Variants in GATA6 observed in about 807,000 individuals in gnomAD.
The protein encoded by GATA6 is GATA binding protein 6.
GATA6 carries 11 observed loss-of-function variants against 48.1 expected under a neutral mutation model. The ratio of observed to expected loss-of-function variants is 0.23; its 90% CI spans 0.14 to 0.38. The LOEUF is 0.38. GATA6 is among the 10% of genes least tolerant of loss of function. The pLI is 1.00. For synonymous variants in GATA6, 419 were observed against 396.1 expected (o/e 1.06, Z -0.69); for missense variants, 795 against 850.3 (o/e 0.93, Z 0.81).
At position 22,202,055 on chromosome 18, in the gene GATA6, T is replaced by A. The variant is rs2033469839; in HGVS notation, c.*1232T>A. 6.6e-6 allele frequency: 1 copy of A among 152,238 alleles called. No homozygotes were observed. The highest frequency in any genetic ancestry group is 1.5e-5 in the Non-Finnish European group (1 of 68,044). 9.4% of individuals were successfully genotyped at this position (152,238 alleles called of 1,614,324 possible). A position where few individuals can be genotyped will look rare whatever the true frequency, so the allele number is the denominator to read the frequency against. On this transcript the variant is annotated 3_prime_UTR_variant, in exon 7 of 7. Transcript: ENST00000269216. Reference sequence around the variant, plus strand: ...ACTATAGATATTCATATAAAACAAGTGCACGTGAAGTTTGCAAAATGCTTT... The same window carrying A: ...ACTATAGATATTCATATAAAACAAGAGCACGTGAAGTTTGCAAAATGCTTT...
intron 6 of GATA6, among the ~76,000 whole-genome samples, chr18:22,183,816 C>T (rs1406534725): frequency 6.6e-6 from 1 of 152,200 alleles, no homozygotes. Flanking sequence ...AATACTGGGC[C>T]TTCCCTCAGA....
At chr18:22,173,426 G>A (rs539701013) in intron 2 of GATA6, among the ~76,000 whole-genome samples, 6 of 152,224 alleles carry the variant, frequency 3.9e-5, no homozygotes, top group East Asian at 3.9e-4. Context: ...GTCCTACCCC[G>A]GTGTCTTGTG....
At chr18:22,181,983 TAAA>T (rs1011117785) in intron 4 of GATA6, among the ~76,000 whole-genome samples, 2 of 152,196 alleles carry the variant, frequency 1.3e-5, no homozygotes, top group Non-Finnish European at 2.9e-5. Context: ...CTATATCTCT[TAAA>T]AATTTTGAAT....
Position 22,172,323 on chromosome 18 carries a change from G to C in GATA6, c.1135+44G>C. On this transcript the variant is annotated intron_variant, in intron 2 of 6. Transcript: ENST00000269216. The surrounding 1 kb of genome is among the most constrained non-coding windows in gnomAD (Gnocchi z 5.2). Reference sequence around the variant, plus strand: ...GTTCGGGGTGCGGGTCCAAAGCGCTGGGGCGCACGGGGGACGTGGAGCAGC... The same window carrying C: ...GTTCGGGGTGCGGGTCCAAAGCGCTCGGGCGCACGGGGGACGTGGAGCAGC... 6.6e-7 allele frequency: 1 copy of C among 1,515,210 alleles called. No individual in the cohort carries two copies. The highest frequency in any genetic ancestry group is 1.4e-5 in the African/African-American group (1 of 72,546). 93.9% of individuals were successfully genotyped at this position (1,515,210 alleles called of 1,614,324 possible). A position where few individuals can be genotyped will look rare whatever the true frequency, so the allele number is the denominator to read the frequency against.
chr18:22,172,006 G>C lies in GATA6; in HGVS notation c.862G>C (p.Gly288Arg), dbSNP rs1268789855. The C allele has an allele frequency of 2.4e-6, 3 of 1,235,768 alleles. No homozygotes were observed. The highest frequency in any genetic ancestry group is 2.0e-6 in the Non-Finnish European group (2 of 991,792). 76.6% of individuals were successfully genotyped at this position (1,235,768 alleles called of 1,614,324 possible). Residue 288 changes from glycine (G) to arginine (R), a missense_variant, in exon 2 of 7, where the codon GGG becomes CGG. Gly to Arg is a moderately radical substitution (Grantham distance 125). Coordinates refer to ENST00000269216, the MANE Select transcript of GATA6 (RefSeq NM_005257.6). This position sits in a 1 kb window ranked among gnomAD's most constrained non-coding sequence, Gnocchi z 5.2. The stretch of plus-strand genomic sequence containing the variant: ...GGGAGGCTACGCGGCGGCGGGCAGT[G>C]GGGGCGCGGGAGGCGTGAGCGGCGG... Reference protein sequence around the residue: ...EPGGYAAAGSGGAGGVSGGGS... With the variant: ...EPGGYAAAGSRGAGGVSGGGS...
At chr18:22,178,926 AG>A (rs2033160140) in intron 3 of GATA6, among the ~76,000 whole-genome samples, 1 of 152,236 alleles carries the variant, frequency 6.6e-6, no homozygotes, top group Non-Finnish European at 1.5e-5. Context: ...GAACTTTCAA[AG>A]GTAACATTTT....
At chr18:22,174,886 CT>C (rs915742171) in intron 2 of GATA6, among the ~76,000 whole-genome samples, 7 of 152,144 alleles carry the variant, frequency 4.6e-5, no homozygotes, top group African/African-American at 1.4e-4. Flanking sequence ...GGTGAGCTTA[CT>C]TTGGGGTGAG....
chr18:22,197,095 T>TC (rs1324516544), intron 6 of GATA6, among the ~76,000 whole-genome samples: 1 of 151,782 alleles, frequency 6.6e-6, no homozygotes, highest in African/African-American at 2.4e-5. Flanking sequence ...TTTTTTTTTT[T>TC]TGAGATGGAG....
chr18:22,188,311 T>C (rs773609511), intron 6 of GATA6, among the ~76,000 whole-genome samples: 4 of 152,204 alleles, frequency 2.6e-5, no homozygotes, highest in Non-Finnish European at 4.4e-5. Flanking sequence ...GAGACAGGTA[T>C]AGATGTAGAT....
chr18:22,180,427 A>G (rs2143297874), intron 3 of GATA6, among the ~76,000 whole-genome samples: 1 of 152,304 alleles, frequency 6.6e-6, no homozygotes, highest in South Asian at 2.1e-4. Flanking sequence ...AAACATGGAA[A>G]TGGGAGTGAC....
At position 22,200,771 on chromosome 18, in the gene GATA6, A is replaced by T. The variant is rs1178814057; in HGVS notation, c.1736A>T (p.Glu579Val). 6.2e-7 allele frequency: 1 copy of T among 1,613,712 alleles called. No individual in the cohort carries two copies. Among genetic ancestry groups the T allele is most frequent in the South Asian group, 1.1e-5 (1 of 91,046 alleles). Reference sequence around the variant, plus strand: ...GGCGTCAGTCTCGCCTCGCCGGCCGAAGTCACGTCCTCCGTGCGACCGGAT... The same window carrying T: ...GGCGTCAGTCTCGCCTCGCCGGCCGTAGTCACGTCCTCCGTGCGACCGGAT... ...YIGVSLASPA[E>V]VTSSVRPDSW... The change falls in exon 7 of 7, where the codon GAA becomes GTA. Residue 579 changes from glutamate to valine, a missense_variant. By Grantham distance (121) the Glu-to-Val change is moderately radical. Around this residue, in one of 5 missense-constraint regions of GATA6, gnomAD observed 103 missense variants for 103.7 expected, o/e 0.99. Coordinates refer to ENST00000269216, the MANE Select transcript of GATA6 (RefSeq NM_005257.6).
At chr18:22,177,763 T>TG (rs1315013840) in intron 3 of GATA6, among the ~76,000 whole-genome samples, 3 of 152,174 alleles carry the variant, frequency 2.0e-5, no homozygotes, top group African/African-American at 7.2e-5. Context: ...TGGTCACTTC[T>TG]ACCTCTTATC....
intron 6 of GATA6, among the ~76,000 whole-genome samples, chr18:22,194,762 G>T (rs1380934235): frequency 6.9e-6 from 1 of 145,370 alleles, no homozygotes; most frequent in Non-Finnish European, 1.5e-5. Context: ...GGCATCTCTT[G>T]ACTATCATCA....
At position 22,190,105 on chromosome 18, in the gene GATA6, A is replaced by C. The variant is rs573121812; in HGVS notation, c.1620+7062A>C. Among the ~76,000 whole-genome samples, 14 of 152,340 alleles carry C rather than the reference A, an allele frequency of 9.2e-5. No individual in the cohort carries two copies. In the South Asian group the frequency reaches 2.5e-3, roughly 27 times the overall value. ...AGAAATTGGACTAGTTTGATTAATA[A>C]TTTTAGCATCACATATCCTCCCACT... On this transcript the variant is annotated intron_variant, in intron 6 of 6. Coordinates refer to ENST00000269216, the MANE Select transcript of GATA6 (RefSeq NM_005257.6).
chr18:22,181,443 C>A lies in GATA6; in HGVS notation c.1303-10C>A. 1.2e-6 allele frequency: 2 copies of A among 1,614,026 alleles called. No homozygotes were observed. The highest frequency in any genetic ancestry group is 1.7e-6 in the Non-Finnish European group (2 of 1,179,906). ...ATATTTTTCCACTTATGTTCTTGTACTGTTTCTAGCCTTCATCACGGCGGC... is the reference window on the plus strand; with the variant it reads ...ATATTTTTCCACTTATGTTCTTGTAATGTTTCTAGCCTTCATCACGGCGGC... On this transcript the variant is annotated splice_polypyrimidine_tract_variant and intron_variant, in intron 3 of 6. Coordinates refer to ENST00000269216, the MANE Select transcript of GATA6 (RefSeq NM_005257.6).
chr18:22,200,706 C>G lies in GATA6; in HGVS notation c.1671C>G (p.Asn557Lys). Residue 557 changes from asparagine to lysine, a missense_variant, in exon 7 of 7, where the codon AAC becomes AAG. By Grantham distance (94) the Asn-to-Lys change is moderately conservative. Around this residue, in one of 5 missense-constraint regions of GATA6, gnomAD observed 103 missense variants for 103.7 expected, o/e 0.99. Coordinates refer to ENST00000269216, the MANE Select transcript of GATA6 (RefSeq NM_005257.6). ...CGGGAGAGAGCACCAATCCCGAGAA[C>G]AGCGAGCTCAAGTATTCGGGTCAAG... ...TGAGESTNPE[N>K]SELKYSGQDG... 2.5e-6 allele frequency: 4 copies of G among 1,614,246 alleles called. No individual in the cohort carries two copies. Among genetic ancestry groups the G allele is most frequent in the Non-Finnish European group, 3.4e-6 (4 of 1,180,046 alleles).
In GATA6 at chr18:22,172,105, G is replaced by C. The variant is rs1291923956; in HGVS notation, c.961G>C (p.Gly321Arg). 1.6e-5 allele frequency: 24 copies of C among 1,492,304 alleles called. No individual in the cohort carries two copies. Among genetic ancestry groups the C allele is most frequent in the East Asian group, 2.5e-5 (1 of 39,234 alleles). The allele number at this position is 1,492,304 out of a possible 1,614,324, so 92.4% of individuals were successfully genotyped here. A position where few individuals can be genotyped will look rare whatever the true frequency, so the allele number is the denominator to read the frequency against. ...GCTGTCGGCCGCGCGGCCGCTGAAC[G>C]GGACGTACCACCACCACCACCACCA... ...SSLSAARPLN[G>R]TYHHHHHHHH... Residue 321 changes from glycine to arginine, a missense_variant, in exon 2 of 7, where the codon GGG becomes CGG. Physicochemically the swap from Gly to Arg is moderately radical, Grantham distance 125 (BLOSUM62 -2). Transcript: ENST00000269216. This position sits in a 1 kb window ranked among gnomAD's most constrained non-coding sequence, Gnocchi z 5.2.
chr18:22,175,682 G>A (rs2033112614), intron 2 of GATA6: 1 of 152,114 alleles, frequency 6.6e-6, no homozygotes, highest in Admixed American at 6.5e-5. Flanking sequence ...AGTATTAATG[G>A]AATTAAAGTT....
At chr18:22,184,500 TTA>T (rs1163087762) in intron 6 of GATA6, among the ~76,000 whole-genome samples, 2 of 152,078 alleles carry the variant, frequency 1.3e-5, no homozygotes, top group Non-Finnish European at 2.9e-5. Flanking sequence ...TTAATAATAA[TTA>T]TTTTTTTTTT....
Sources: gnomAD v4.1 joint callset for allele counts (sites outside exome capture counted in the v4.1 genomes callset) on GRCh38, gnomAD v4.1.1 for gene constraint, gnomAD v4.1.1 regional missense constraint, Gnocchi (gnomAD v3.1) non-coding constraint, MANE v1.5 for transcripts, NCBI Gene and HGNC (gene_info 2026-07-23, HGNC 2026-07-21) for gene names.